ZNF831: variants seen among roughly 807,000 people sequenced by gnomAD.
The protein encoded by ZNF831 is zinc finger protein 831.
Under a neutral mutation model 95.8 loss-of-function variants are expected in ZNF831, and 59 were observed. The observed-to-expected ratio is 0.62, with a 90% CI of 0.50 to 0.77. The LOEUF is 0.77. Ranked by LOEUF, ZNF831 falls within the 30% of genes least tolerant of loss-of-function variation. ZNF831 has a pLI of 0.00. For synonymous variants in ZNF831, 961 were observed against 925.5 expected, an observed-to-expected ratio of 1.04 and a Z score of -0.70; for missense variants, 2,205 against 2,164.0, an observed-to-expected ratio of 1.02 and a Z score of -0.38.
intron 2 of ZNF831, among the ~76,000 whole-genome samples, chr20:59,148,590 G>A (rs1200953511): frequency 1.5e-5 from 2 of 130,890 alleles, no homozygotes; most frequent in African/African-American, 6.0e-5. Flanking sequence ...TGAGGCAGGA[G>A]AATGGCGTGA....
intron 4 of ZNF831, among the ~76,000 whole-genome samples, chr20:59,222,709 C>G (rs922754327): frequency 6.6e-5 from 10 of 152,186 alleles, no homozygotes; most frequent in Non-Finnish European, 1.2e-4. Flanking sequence ...CGGGCACCGC[C>G]GAAGCCCGGC....
At chr20:59,176,807 G>C (rs1400954511) in intron 1 of ZNF831, among the ~76,000 whole-genome samples, 1 of 152,094 alleles carries the variant, frequency 6.6e-6, no homozygotes, top group African/African-American at 2.4e-5. Flanking sequence ...TATTTTCCTG[G>C]ATAATTATTG....
Position 59,148,573 on chromosome 20 carries a change from G to A in ZNF831, c.-1281+2199G>A, listed in dbSNP as rs562156952. On this transcript the variant is annotated intron_variant, in intron 2 of 7. Transcript: ENST00000637017. The stretch of plus-strand genomic sequence containing the variant: ...CGCGCGCCTGTAGTCCCAGCTACAC[G>A]GGAGGCTGAGGCAGGAGAATGGCGT... Among the ~76,000 whole-genome samples the A allele has an allele frequency of 1.3e-4, 18 of 136,334 alleles. 1 individual carries two copies. Among genetic ancestry groups the A allele is most frequent in the African/African-American group, 1.7e-4 (6 of 35,252 alleles). 89.4% of individuals were successfully genotyped at this position (136,334 alleles called of 152,430 possible). A position where few individuals can be genotyped will look rare whatever the true frequency, so the allele number is the denominator to read the frequency against.
intron 1 of ZNF831, among the ~76,000 whole-genome samples, chr20:59,135,464 G>T (rs917071925): frequency 9.2e-5 from 14 of 152,174 alleles, no homozygotes; most frequent in South Asian, 4.1e-4. Context: ...GGGCGCAGTG[G>T]CTCACGCCTG....
intron 1 of ZNF831, among the ~76,000 whole-genome samples, chr20:59,183,664 G>A (rs1223442877): frequency 6.6e-6 from 1 of 152,194 alleles, no homozygotes; most frequent in African/African-American, 2.4e-5. Context: ...TTTCTTGGCT[G>A]ATGAGGATAA....
rs373506374 is a variant in ZNF831, at chr20:59,192,434, C to T, written c.1415C>T (p.Ser472Phe). ...GRRRAPGPVR[S>F]TWTPPDKSRP... The stretch of plus-strand genomic sequence containing the variant: ...AGGAGGGCCCCGGGCCCCGTGCGCT[C>T]CACCTGGACGCCCCCAGACAAGTCT... The change falls in exon 2 of 6, where the codon TCC (serine) becomes TTC (phenylalanine). Residue 472 changes from serine to phenylalanine, a missense_variant. Physicochemically the swap from Ser to Phe is radical, Grantham distance 155. Transcript: ENST00000371030. This position sits in a 1 kb window ranked among gnomAD's most constrained non-coding sequence, Gnocchi z 5.2. The T allele has an allele frequency of 8.7e-6, 14 of 1,607,986 alleles. No homozygotes were observed. The highest frequency in any genetic ancestry group is 1.7e-4 in the Middle Eastern group (1 of 6,052).
At chr20:59,131,038 T>C (rs1019871026) in intron 1 of ZNF831, among the ~76,000 whole-genome samples, 7 of 152,162 alleles carry the variant, frequency 4.6e-5, no homozygotes, top group Admixed American at 2.0e-4. Flanking sequence ...TGTGTCTCGC[T>C]CAGTAAACAT....
intron 1 of ZNF831, among the ~76,000 whole-genome samples, chr20:59,133,624 G>T (rs1035195806): frequency 6.6e-5 from 10 of 152,132 alleles, no homozygotes; most frequent in Admixed American, 3.3e-4. Context: ...TGGGTGTAGG[G>T]CTGGGGACAC....
At chr20:59,166,085 T>C (rs1158562933) in intron 1 of ZNF831, among the ~76,000 whole-genome samples, 2 of 152,342 alleles carry the variant, frequency 1.3e-5, no homozygotes, top group African/African-American at 2.4e-5. Flanking sequence ...TTTGTATTCA[T>C]AGCAATGTTG....
rs1045348798 is a variant in ZNF831, at chr20:59,204,902, A to G, written c.3876-2003A>G. Among the ~76,000 whole-genome samples the G allele has an allele frequency of 3.9e-5, 6 of 152,266 alleles. 1 individual carries two copies. In the South Asian group the frequency reaches 6.2e-4, roughly 16 times the overall value. ...CAGAACGTTTTGGGAGAACCAGGAG[A>G]GAGAGAAACGTACCCTGCCCATGAC... On this transcript the variant is annotated intron_variant, in intron 3 of 5. Coordinates refer to ENST00000371030, the MANE Select transcript of ZNF831 (RefSeq NM_178457.3).
chr20:59,240,636 C>T (rs1025973574), intron 4 of ZNF831, among the ~76,000 whole-genome samples: 6 of 151,846 alleles, frequency 4.0e-5, no homozygotes, highest in Admixed American at 3.9e-4. Context: ...CCCGTCTCTA[C>T]TAAAAATACA....
chr20:59,187,602 T>C (rs1453222809), intron 1 of ZNF831, among the ~76,000 whole-genome samples: 3 of 150,682 alleles, frequency 2.0e-5, no homozygotes, highest in Admixed American at 6.6e-5. Flanking sequence ...GACAATACTT[T>C]AAAAAAAAAA....
intron 4 of ZNF831, among the ~76,000 whole-genome samples, chr20:59,215,303 A>G (rs1985603653): frequency 6.6e-6 from 1 of 152,228 alleles, no homozygotes; most frequent in East Asian, 1.9e-4. Context: ...AGAGGAGCTG[A>G]GCATGGCCCT....
intron 4 of ZNF831, among the ~76,000 whole-genome samples, chr20:59,247,897 G>A (rs1223748177): frequency 6.6e-6 from 1 of 152,230 alleles, no homozygotes; most frequent in Non-Finnish European, 1.5e-5. Flanking sequence ...TAGGCAGCTG[G>A]AAGAAGATTT....
intron 5 of ZNF831, 29 bp from the exon 6 acceptor site, chr20:59,253,869 C>CCGGGGG: frequency 7.5e-6 from 8 of 1,067,514 alleles, no homozygotes; most frequent in Non-Finnish European, 9.9e-6. Context: ...TCCCCCCCCA[C>CCGGGGG]TTTTTTTTTC....
chr20:59,238,911 C>A (rs1390747777), intron 4 of ZNF831, among the ~76,000 whole-genome samples: 1 of 152,094 alleles, frequency 6.6e-6, no homozygotes, highest in Non-Finnish European at 1.5e-5. Context: ...AGACGCAGGG[C>A]CGGAAGAGGT....
chr20:59,195,916 T>C lies in ZNF831; in HGVS notation c.3786T>C (p.Ser1262=). 6.2e-7 allele frequency: 1 copy of C among 1,614,208 alleles called. No homozygotes were observed. The highest frequency in any genetic ancestry group is 8.5e-7 in the Non-Finnish European group (1 of 1,180,046). Residue 1262 remains serine (S), a synonymous_variant, in exon 3 of 6, where the codon TCT becomes TCC. Transcript: ENST00000371030. ...GGGTGATGCCCCAGCACCAGGTGTC[T>C]GAGCCAGAATGGAAGAAAGGCCTGC... ...VPGVMPQHQV[S]EPEWKKGLPW... is the part of the protein sequence containing the mutation.
chr20:59,148,868 C>A (rs1410466808), intron 2 of ZNF831, among the ~76,000 whole-genome samples: 1 of 152,058 alleles, frequency 6.6e-6, no homozygotes, highest in Non-Finnish European at 1.5e-5. Context: ...TTCTGCCCTC[C>A]TGACCACAAC....
chr20:59,206,548 C>T (rs1984906859), intron 3 of ZNF831, among the ~76,000 whole-genome samples: 1 of 152,214 alleles, frequency 6.6e-6, no homozygotes, highest in Non-Finnish European at 1.5e-5. Flanking sequence ...GATTACAGAA[C>T]ATTTCCATCA....
Sources: gnomAD v4.1 joint callset for allele counts (sites outside exome capture counted in the v4.1 genomes callset) on GRCh38, gnomAD v4.1.1 for gene constraint, Gnocchi (gnomAD v3.1) non-coding constraint, MANE v1.5 for transcripts, NCBI Gene and HGNC (gene_info 2026-07-23, HGNC 2026-07-21) for gene names.